The following GOLGA1 variants were observed in gnomAD, a reference collection of about 807,000 sequenced individuals.
The protein encoded by GOLGA1 is golgin A1.
GOLGA1 carries 63 observed loss-of-function variants against 119.7 expected under a neutral mutation model. The observed-to-expected ratio is 0.53, with a 90% CI of 0.43 to 0.65. The LOEUF (loss-of-function observed/expected upper bound fraction) is 0.65. GOLGA1 is among the 30% of genes least tolerant of loss of function. The pLI is 0.00. For synonymous variants in GOLGA1, 318 were observed against 333.4 expected (o/e 0.95, Z 0.50); for missense variants, 798 against 912.8 (o/e 0.87, Z 1.62).
In GOLGA1 at chr9:124,882,526, G is replaced by A; in HGVS notation, c.1949C>T (p.Thr650Ile). The A allele has an allele frequency of 1.2e-6, 2 of 1,612,252 alleles. No individual in the cohort carries two copies. Among genetic ancestry groups the A allele is most frequent in the Non-Finnish European group, 1.7e-6 (2 of 1,179,222 alleles). The change falls in exon 20 of 23, where the codon ACT becomes ATT. Residue 650 changes from threonine (T) to isoleucine (I), a missense_variant. Thr to Ile is a moderately conservative substitution (Grantham distance 89). Transcript: ENST00000373555. ...MQQRMLELRK[T>I]LQKELKIRPD... is the part of the protein sequence containing the mutation. Reference sequence around the variant, plus strand: ...AGTACTCACCAGCTCCTTCTGCAGAGTCTTCCGGAGCTCCAGCATCCGCTG... The same window carrying A: ...AGTACTCACCAGCTCCTTCTGCAGAATCTTCCGGAGCTCCAGCATCCGCTG...
rs373829356 is a variant in GOLGA1 at position 124,880,591 on chromosome 9, T to C, written c.2243A>G (p.Lys748Arg). 6.2e-7 allele frequency: 1 copy of C among 1,609,232 alleles called. No individual in the cohort carries two copies. Among genetic ancestry groups the C allele is most frequent in the African/African-American group, 1.3e-5 (1 of 74,806 alleles). The change falls in exon 23 of 23, where the codon AAA becomes AGA. Residue 748 changes from lysine (K) to arginine (R), a missense_variant. Lys to Arg is a conservative substitution (Grantham distance 26). Transcript: ENST00000373555. Reference protein sequence around the residue: ...LEYKMSWFGSKPAPKGSIRPS... With the variant: ...LEYKMSWFGSRPAPKGSIRPS... ...CCGGATGCTGCCCTTGGGAGCTGGTTTGGACCCAAACCATGACATCTGCAT... is the reference window on the plus strand; with the variant it reads ...CCGGATGCTGCCCTTGGGAGCTGGTCTGGACCCAAACCATGACATCTGCAT...
At chr9:124,942,447 C>T (rs1461890453), upstream of GOLGA1, among the ~76,000 whole-genome samples, 1 of 152,186 alleles carries the variant, frequency 6.6e-6, no homozygotes, top group East Asian at 1.9e-4. Flanking sequence ...TGTTCCAGTT[C>T]TGACCTGCAG....
chr9:124,908,244 C>A, intron 12 of GOLGA1, 133 bp downstream of exon 12: 1 of 654,472 alleles, frequency 1.5e-6, no homozygotes, highest in Non-Finnish European at 2.8e-6. Context: ...TAACTCATCC[C>A]TGTATAGGTA....
At chr9:124,884,304 G>A (rs1488329042) in intron 19 of GOLGA1, among the ~76,000 whole-genome samples, 1 of 152,130 alleles carries the variant, frequency 6.6e-6, no homozygotes, top group South Asian at 2.1e-4. Flanking sequence ...GAGCCACCAC[G>A]CCCGGTTTTA....
At chr9:124,901,073 G>A (rs1238790457) in intron 12 of GOLGA1, among the ~76,000 whole-genome samples, 3 of 150,498 alleles carry the variant, frequency 2.0e-5, no homozygotes, top group Admixed American at 6.7e-5. Flanking sequence ...CTGGGTTCAC[G>A]TCATTCTCCT....
chr9:124,890,617 G>A (rs1226896401), intron 15 of GOLGA1, 139 bp from the exon 16 acceptor site: 3 of 718,766 alleles, frequency 4.2e-6, no homozygotes, highest in Non-Finnish European at 7.5e-6. Context: ...CTCCCAGCCT[G>A]GCCCCTCCCT....
At chr9:124,916,019 T>C (rs1830434915) in intron 10 of GOLGA1, among the ~76,000 whole-genome samples, 2 of 142,466 alleles carry the variant, frequency 1.4e-5, no homozygotes, top group African/African-American at 5.3e-5. Context: ...GGAGAATCAC[T>C]TGAACCTGGG....
intron 4 of GOLGA1, 126 bp from the exon 5 acceptor site, chr9:124,929,416 A>C (rs938497525): frequency 1.1e-4 from 78 of 690,076 alleles, no homozygotes; most frequent in Non-Finnish European, 1.8e-4. Context: ...CTGTTAAGGA[A>C]AGCTAGACAG....
At chr9:124,926,133 G>A (rs1830667565) in intron 7 of GOLGA1, among the ~76,000 whole-genome samples, 1 of 152,122 alleles carries the variant, frequency 6.6e-6, no homozygotes, top group African/African-American at 2.4e-5. Context: ...TAATAAAGGG[G>A]CTTATCAAAG....
At position 124,929,021 on chromosome 9, in the gene GOLGA1, C is replaced by T. The variant is rs975441267; in HGVS notation, c.301+195G>A. 6.6e-5 allele frequency among the ~76,000 whole-genome samples: 10 copies of T among 152,096 alleles called. No homozygotes were observed. The East Asian group carries it at 1.9e-3, about 29-fold the overall frequency. On this transcript the variant is annotated intron_variant, in intron 5 of 22. Coordinates refer to ENST00000373555, the MANE Select transcript of GOLGA1 (RefSeq NM_002077.4). ...TAATGACCTACTCCTAAGAGTCATG[C>T]CCATAAGCCAACATAAATAAAACTT...
intron 20 of GOLGA1, 62 bp from the exon 21 acceptor site, chr9:124,882,016 C>A: frequency 7.9e-7 from 1 of 1,258,602 alleles, no homozygotes; most frequent in Non-Finnish European, 1.1e-6. Context: ...AAAAATCACA[C>A]GGGAGGTTCA....
rs2131347286 is a variant in GOLGA1, at chr9:124,879,266, T to C, written c.*1264A>G. On this transcript the variant is annotated 3_prime_UTR_variant, in exon 23 of 23. Coordinates refer to ENST00000373555, the MANE Select transcript of GOLGA1 (RefSeq NM_002077.4). ...TTTCATCAAACAATAAACGGTTTCC[T>C]TTTAGATTCAATATTGTGGCTTTTC... 1 of 152,308 alleles carries C rather than the reference T, an allele frequency of 6.6e-6. No individual in the cohort carries two copies. The highest frequency in any genetic ancestry group is 2.1e-4 in the South Asian group (1 of 4,828). 9.4% of individuals were successfully genotyped at this position (152,308 alleles called of 1,614,324 possible). A position where few individuals can be genotyped will look rare whatever the true frequency, so the allele number is the denominator to read the frequency against.
intron 15 of GOLGA1, among the ~76,000 whole-genome samples, chr9:124,895,157 AAC>A (rs991943529): frequency 6.6e-6 from 1 of 150,798 alleles, no homozygotes; most frequent in Non-Finnish European, 1.5e-5. Flanking sequence ...GACTCTCCAC[AAC>A]AGAGACCCTC....
upstream of GOLGA1, chr9:124,941,119 T>TG (rs71492431): frequency 0.2 from 29,574 of 151,184 alleles, 3,377 homozygotes; most frequent in Non-Finnish European, 0.25. Flanking sequence ...GACTGCGCGG[T>TG]GGGGGGAGGG....
intron 10 of GOLGA1, among the ~76,000 whole-genome samples, 196 bp from the exon 11 acceptor site, chr9:124,912,222 C>A (rs1159460411): frequency 6.6e-6 from 1 of 152,154 alleles, no homozygotes; most frequent in African/African-American, 2.4e-5. Flanking sequence ...GGATCCAGCT[C>A]AGACCTAGTG....
intron 15 of GOLGA1, among the ~76,000 whole-genome samples, chr9:124,894,646 C>T (rs777952372): frequency 2.0e-5 from 3 of 152,274 alleles, no homozygotes; most frequent in Non-Finnish European, 4.4e-5. Context: ...ATGGAATCCA[C>T]TCTTGACATA....
At chr9:124,937,915 T>C (rs1359921246) in intron 3 of GOLGA1, among the ~76,000 whole-genome samples, 1 of 151,146 alleles carries the variant, frequency 6.6e-6, no homozygotes. Flanking sequence ...AAAACCTGTC[T>C]CTACTAAAAT....
rs984490669 is a variant in GOLGA1 at position 124,946,304 on chromosome 9, GAATTT to G, written c.-156+1609_-156+1613del. 9.9e-5 allele frequency: 15 copies of G among 152,186 alleles called. No individual in the cohort carries two copies. Among genetic ancestry groups the G allele is most frequent in the African/African-American group, 3.1e-4 (13 of 41,524 alleles). The allele number at this position is 152,186 out of a possible 1,614,324, so 9.4% of individuals were successfully genotyped here. On this transcript the variant is annotated intron_variant, in intron 1 of 4. Transcript: ENST00000421514. The surrounding 1 kb of genome is among the most constrained non-coding windows in gnomAD (Gnocchi z 4.0). ...GAAAAATGCTGTTATAATTATTTCT[GAATTT>G]AATACTATAATTGAAAAGTCTTATG...
chr9:124,917,319 C>G (rs1225442892), intron 10 of GOLGA1, among the ~76,000 whole-genome samples: 1 of 152,122 alleles, frequency 6.6e-6, no homozygotes, highest in Non-Finnish European at 1.5e-5. Flanking sequence ...CTATCATACT[C>G]ATATTTTATA....
Sources: gnomAD v4.1 joint callset for allele counts (sites outside exome capture counted in the v4.1 genomes callset) on GRCh38, gnomAD v4.1.1 for gene constraint, Gnocchi (gnomAD v3.1) non-coding constraint, MANE v1.5 for transcripts, NCBI Gene and HGNC (gene_info 2026-07-23, HGNC 2026-07-21) for gene names.